AFF3: variants seen among roughly 807,000 people sequenced by gnomAD.
AFF3 encodes the protein ALF transcription elongation factor 3.
AFF3 carries 32 observed loss-of-function variants against 129.7 expected under a neutral mutation model. That is an observed-to-expected ratio of 0.25 (90% confidence interval 0.19 to 0.33). The LOEUF is 0.33. Among genes scored for constraint, AFF3 ranks in the 10% least tolerant of loss-of-function variants. AFF3 has a pLI of 1.00. For missense variants in AFF3, 1,373 were observed against 1,592.0 expected, an observed-to-expected ratio of 0.86 and a Z score of 2.34; for synonymous variants, 644 against 635.4, an observed-to-expected ratio of 1.01 and a Z score of -0.20.
At chr2:100,068,432 A>G (rs538417532) in intron 4 of AFF3, among the ~76,000 whole-genome samples, 64 of 152,248 alleles carry the variant, frequency 4.2e-4, no homozygotes, top group African/African-American at 1.5e-3. Flanking sequence ...CTGTGGTGGG[A>G]TTTCTTTTTC....
chr2:99,941,112 C>A (rs894712357), intron 7 of AFF3, among the ~76,000 whole-genome samples: 3 of 151,998 alleles, frequency 2.0e-5, no homozygotes, highest in African/African-American at 7.2e-5. Context: ...GGAACGTGAG[C>A]TCTTGCTGAG....
Position 99,708,649 on chromosome 2 carries a change from G to A in AFF3, c.1091+18428C>T, listed in dbSNP as rs550997296. ...GCAATTTAGCATGATTAGTAATAGT[G>A]ATTATTAGAAAACCCAATAGAATTC... On this transcript the variant is annotated intron_variant, in intron 11 of 24. Transcript: ENST00000672756. Among the ~76,000 whole-genome samples, 12 of 152,228 alleles carry A rather than the reference G, an allele frequency of 7.9e-5. No individual in the cohort carries two copies. The East Asian group carries it at 2.1e-3, about 27-fold the overall frequency.
intron 7 of AFF3, among the ~76,000 whole-genome samples, chr2:100,002,872 G>A (rs1681557792): frequency 6.6e-6 from 1 of 152,182 alleles, no homozygotes; most frequent in Non-Finnish European, 1.5e-5. Flanking sequence ...TTGTCTCAAT[G>A]GCTCTGCATG....
At chr2:100,065,024 C>T (rs555073950) in intron 4 of AFF3, among the ~76,000 whole-genome samples, 6 of 152,336 alleles carry the variant, frequency 3.9e-5, no homozygotes, top group South Asian at 4.1e-4. Flanking sequence ...AGTTCATAGA[C>T]AAGTTAACCT....
At chr2:100,132,597 T>C (rs1692467760) in intron 1 of AFF3, among the ~76,000 whole-genome samples, 2 of 152,172 alleles carry the variant, frequency 1.3e-5, no homozygotes, top group South Asian at 2.1e-4. Context: ...TCAGCTTTAG[T>C]TGAAAATTAA....
intron 8 of AFF3, among the ~76,000 whole-genome samples, chr2:99,771,698 G>A (rs1033729986): frequency 1.3e-5 from 2 of 152,194 alleles, no homozygotes; most frequent in African/African-American, 2.4e-5. Context: ...ATGAGGAGAC[G>A]TGGACTCTGG....
intron 9 of AFF3, among the ~76,000 whole-genome samples, chr2:99,749,884 A>C (rs1387996172): frequency 6.6e-6 from 1 of 152,250 alleles, no homozygotes; most frequent in Non-Finnish European, 1.5e-5. Context: ...CCATGTATTT[A>C]TGAGAAGCTC....
chr2:100,072,995 G>A (rs1688314165), intron 4 of AFF3, among the ~76,000 whole-genome samples: 1 of 152,016 alleles, frequency 6.6e-6, no homozygotes, highest in South Asian at 2.1e-4. Context: ...GTCTTTTTTC[G>A]ATGGAGAACA....
At chr2:99,778,740 C>T (rs1323177207) in intron 8 of AFF3, among the ~76,000 whole-genome samples, 1 of 152,034 alleles carries the variant, frequency 6.6e-6, no homozygotes, top group Non-Finnish European at 1.5e-5. Context: ...TCTTTGGATG[C>T]TATTGTAAAT....
chr2:99,825,802 T>G (rs1688039114), intron 8 of AFF3, among the ~76,000 whole-genome samples: 1 of 152,178 alleles, frequency 6.6e-6, no homozygotes, highest in Non-Finnish European at 1.5e-5. Flanking sequence ...GGGGTTAGCA[T>G]GTGAATTTTC....
chr2:99,928,559 G>A (rs950754976), intron 7 of AFF3, among the ~76,000 whole-genome samples: 1 of 152,192 alleles, frequency 6.6e-6, no homozygotes, highest in African/African-American at 2.4e-5. Flanking sequence ...GAGCTTGAAA[G>A]CTGCCATGGA....
At chr2:99,747,669 TTC>T (rs1384005034) in intron 9 of AFF3, among the ~76,000 whole-genome samples, 1 of 152,180 alleles carries the variant, frequency 6.6e-6, no homozygotes, top group Admixed American at 6.5e-5. Context: ...CCATTATTAT[TTC>T]TGTTTTGTGT....
rs568319925 is a variant in AFF3 at position 100,032,428 on chromosome 2, C to CAA, written c.54-23498_54-23497dup. Among the ~76,000 whole-genome samples, 102 of 144,360 alleles carry CAA rather than the reference C, an allele frequency of 7.1e-4. No individual in the cohort carries two copies. In the Middle Eastern group the frequency reaches 0.011, roughly 15 times the overall value. 94.7% of individuals were successfully genotyped at this position (144,360 alleles called of 152,430 possible). ...TGGGCAACAGAGTGAGACTCTGTCTCAAAAAAAAAAAAAGTATGCCCAAGA... is the reference window on the plus strand; with the variant it reads ...TGGGCAACAGAGTGAGACTCTGTCTCAAAAAAAAAAAAAAAGTATGCCCAAGA... On this transcript the variant is annotated intron_variant, in intron 4 of 24. Coordinates refer to ENST00000672756, the MANE Select transcript of AFF3 (RefSeq NM_001386135.1).
intron 8 of AFF3, among the ~76,000 whole-genome samples, chr2:99,815,878 G>C (rs1404415521): frequency 6.6e-6 from 1 of 151,608 alleles, no homozygotes; most frequent in African/African-American, 2.4e-5. Flanking sequence ...GTATCCTCTT[G>C]AGTTTGAGCT....
At chr2:99,566,158 C>T (rs1455716121) in intron 19 of AFF3, among the ~76,000 whole-genome samples, 2 of 151,774 alleles carry the variant, frequency 1.3e-5, no homozygotes, top group Admixed American at 6.6e-5. Flanking sequence ...CTCCCTGCAA[C>T]CTCTGCCTCC....
At chr2:99,716,032 A>G (rs552562097) in intron 11 of AFF3, among the ~76,000 whole-genome samples, 3 of 152,128 alleles carry the variant, frequency 2.0e-5, no homozygotes, top group African/African-American at 7.2e-5. Flanking sequence ...GTTATCTACA[A>G]ATGTAGAAGG....
chr2:100,096,271 T>A (rs1690284359), intron 4 of AFF3, among the ~76,000 whole-genome samples: 1 of 151,942 alleles, frequency 6.6e-6, no homozygotes, highest in Admixed American at 6.6e-5. Flanking sequence ...TTTGAAGGAA[T>A]GATGAGAACT....
chr2:99,785,714 C>G (rs1041064796), intron 8 of AFF3, among the ~76,000 whole-genome samples: 2 of 152,106 alleles, frequency 1.3e-5, no homozygotes, highest in Admixed American at 1.3e-4. Flanking sequence ...TCAAGAAATT[C>G]TGAGAGTTTG....
At chr2:99,684,746 C>T (rs796500805) in intron 11 of AFF3, among the ~76,000 whole-genome samples, 14 of 151,238 alleles carry the variant, frequency 9.3e-5, no homozygotes, top group Non-Finnish European at 1.2e-4. Flanking sequence ...CAAAGTGCTG[C>T]GATTACAGGC....
Sources: gnomAD v4.1 joint callset for allele counts (sites outside exome capture counted in the v4.1 genomes callset) on GRCh38, gnomAD v4.1.1 for gene constraint, MANE v1.5 for transcripts, NCBI Gene and HGNC (gene_info 2026-07-23, HGNC 2026-07-21) for gene names.